Variants in NOL4 observed in about 807,000 individuals in gnomAD.
The protein encoded by NOL4 is cancer/testis antigen 125.
NOL4 carries 17 observed loss-of-function variants against 75.9 expected under a neutral mutation model. That is an observed-to-expected ratio of 0.22 (90% CI 0.15 to 0.34). NOL4 has a LOEUF of 0.34. Ranked by LOEUF, NOL4 falls within the 10% of genes least tolerant of loss-of-function variation. NOL4 has a pLI of 1.00. For missense variants in NOL4, 614 were observed against 793.5 expected, an observed-to-expected ratio of 0.77 and a Z score of 2.72; for synonymous variants, 292 against 289.9, an observed-to-expected ratio of 1.01 and a Z score of -0.07.
In NOL4 at chr18:33,943,127, C is replaced by T; in HGVS notation, c.1480G>A (p.Ala494Thr). The T allele has an allele frequency of 2.5e-6, 4 of 1,611,332 alleles. 1 individual carries two copies. Among genetic ancestry groups the T allele is most frequent in the South Asian group, 2.2e-5 (2 of 91,014 alleles). Residue 494 changes from alanine to threonine, a missense_variant, in exon 9 of 11, where the codon GCT (alanine) becomes ACT (threonine). Ala to Thr is a moderately conservative substitution (Grantham distance 58). Transcript: ENST00000261592. ...LTSAVAESIL[A>T]SACESESRNA... is the part of the protein sequence containing the mutation. ...CTACTCTCACTCTCACAAGCTGAAGCCAAGATACTCTCTGCAACTGCTGAA... is the reference window on the plus strand; with the variant it reads ...CTACTCTCACTCTCACAAGCTGAAGTCAAGATACTCTCTGCAACTGCTGAA...
chr18:34,219,690 CA>C (rs1327244718), intron 1 of NOL4, among the ~76,000 whole-genome samples: 3 of 152,252 alleles, frequency 2.0e-5, no homozygotes, highest in Admixed American at 2.0e-4. Context: ...AGTCATTCAT[CA>C]TTTCATTCTT....
intron 6 of NOL4, among the ~76,000 whole-genome samples, chr18:34,000,442 TCTAA>T (rs2073617500): frequency 6.6e-6 from 1 of 152,206 alleles, no homozygotes; most frequent in Non-Finnish European, 1.5e-5. Context: ...TTTATTTCAT[TCTAA>T]CTATCATAGA....
intron 6 of NOL4, among the ~76,000 whole-genome samples, chr18:33,972,998 A>G (rs1018520279): frequency 6.6e-6 from 1 of 152,186 alleles, no homozygotes; most frequent in African/African-American, 2.4e-5. Flanking sequence ...ACATTCATTG[A>G]CTGTTCCTTT....
chr18:33,915,358 G>A (rs937161026), intron 9 of NOL4, among the ~76,000 whole-genome samples: 1 of 152,136 alleles, frequency 6.6e-6, no homozygotes, highest in South Asian at 2.1e-4. Context: ...TAAAGGGAAA[G>A]AGAAATGTGG....
intron 4 of NOL4, among the ~76,000 whole-genome samples, chr18:34,096,203 TA>T (rs1440298416): frequency 6.6e-6 from 1 of 152,014 alleles, no homozygotes; most frequent in African/African-American, 2.4e-5. Flanking sequence ...TTTTTGTAAT[TA>T]AAAAAACCAT....
chr18:33,993,379 C>T (rs1362113841), intron 6 of NOL4, among the ~76,000 whole-genome samples: 1 of 151,982 alleles, frequency 6.6e-6, no homozygotes, highest in African/African-American at 2.4e-5. Flanking sequence ...GAAGCAACAT[C>T]AGACCCTTAA....
chr18:34,134,018 G>A (rs570733864), intron 1 of NOL4, among the ~76,000 whole-genome samples: 8 of 152,054 alleles, frequency 5.3e-5, no homozygotes, highest in East Asian at 1.9e-4. Context: ...GTGAGACTTC[G>A]CCTCAAAATA....
chr18:33,884,243 T>C (rs2064494492), intron 9 of NOL4, among the ~76,000 whole-genome samples: 1 of 152,126 alleles, frequency 6.6e-6, no homozygotes, highest in African/African-American at 2.4e-5. Flanking sequence ...CCTTCTCTGT[T>C]GTCTCTCTCT....
At chr18:34,085,739 T>G (rs2078212580) in intron 5 of NOL4, among the ~76,000 whole-genome samples, 1 of 152,192 alleles carries the variant, frequency 6.6e-6, no homozygotes, top group African/African-American at 2.4e-5. Context: ...TCCCTAGATA[T>G]GCATTTTAAA....
At chr18:34,097,865 TA>T (rs904068746) in intron 4 of NOL4, among the ~76,000 whole-genome samples, 56 of 152,214 alleles carry the variant, frequency 3.7e-4, no homozygotes, top group African/African-American at 1.3e-3. Flanking sequence ...GAAAAGTTTT[TA>T]ATAATTATCA....
chr18:33,887,710 G>T (rs1311128209), intron 9 of NOL4, among the ~76,000 whole-genome samples: 1 of 151,860 alleles, frequency 6.6e-6, no homozygotes, highest in African/African-American at 2.4e-5. Context: ...GAGAATGATG[G>T]TTTCCAGCTT....
chr18:34,222,223 AGCCACCCC>A, intron 1 of NOL4: 1 of 1,410,392 alleles, frequency 7.1e-7, no homozygotes, highest in Non-Finnish European at 9.2e-7. Context: ...ATGAGACTAG[AGCCACCCC>A]AGAAAAAGGA....
chr18:34,223,873 G>C lies in NOL4; in HGVS notation c.-620C>G, dbSNP rs1159741374. The C allele has an allele frequency of 6.6e-6, 1 of 152,402 alleles. No individual in the cohort carries two copies. The highest frequency in any genetic ancestry group is 2.4e-5 in the African/African-American group (1 of 41,446). The allele number at this position is 152,402 out of a possible 1,614,324, so 9.4% of individuals were successfully genotyped here. On this transcript the variant is annotated 5_prime_UTR_variant, in exon 1 of 11. Transcript: ENST00000261592. ...GTCCTGCTTTGACCTTCCCCACGAC[G>C]GGTGTTAAGGGACTAGAAAGAGAAA...
intron 1 of NOL4, chr18:34,183,717 A>G (rs2034229373): frequency 6.6e-6 from 1 of 151,968 alleles, no homozygotes; most frequent in South Asian, 2.1e-4. Context: ...AAGAAGCCAG[A>G]CTCAAAAGTC....
intron 1 of NOL4, chr18:34,222,044 C>A: frequency 6.5e-7 from 1 of 1,535,590 alleles, no homozygotes; most frequent in Non-Finnish European, 8.7e-7. Flanking sequence ...GAAAGGTCTC[C>A]TGCATCAGAT....
intron 5 of NOL4, among the ~76,000 whole-genome samples, chr18:34,045,884 G>C (rs553469841): frequency 1.8e-4 from 27 of 152,148 alleles, no homozygotes; most frequent in African/African-American, 5.1e-4. Context: ...CTCTTGTGCT[G>C]AATAACATTT....
intron 1 of NOL4, among the ~76,000 whole-genome samples, chr18:34,144,207 T>G (rs2081307515): frequency 6.6e-6 from 1 of 152,158 alleles, no homozygotes; most frequent in South Asian, 2.1e-4. Flanking sequence ...TAAGTTTATA[T>G]CATTCAACCT....
chr18:34,159,385 T>A (rs913471270), intron 1 of NOL4, among the ~76,000 whole-genome samples: 3 of 151,960 alleles, frequency 2.0e-5, no homozygotes, highest in African/African-American at 7.2e-5. Flanking sequence ...GGGGCCTGGA[T>A]GAGATCTGCG....
Position 33,957,453 on chromosome 18 carries a change from T to C in NOL4, c.1301A>G (p.Lys434Arg). Residue 434 changes from lysine to arginine, a missense_variant, in exon 8 of 11, where the codon AAA (lysine) becomes AGA (arginine). Coordinates refer to ENST00000261592, the MANE Select transcript of NOL4 (RefSeq NM_003787.5). ...GTCAATGATAGCCTGGATCTTTTCTTTGGGCTGCTTAGAGATTGGGACCAT... is the reference window on the plus strand; with the variant it reads ...GTCAATGATAGCCTGGATCTTTTCTCTGGGCTGCTTAGAGATTGGGACCAT... ...DRMVPISKQP[K>R]EKIQAIIDSC... The C allele has an allele frequency of 6.2e-7, 1 of 1,613,752 alleles. No homozygotes were observed. The highest frequency in any genetic ancestry group is 8.5e-7 in the Non-Finnish European group (1 of 1,179,800).
Sources: allele counts gnomAD v4.1 joint callset (sites outside exome capture counted in the v4.1 genomes callset), GRCh38; gene constraint gnomAD v4.1.1; transcripts MANE v1.5; gene names NCBI Gene and HGNC (gene_info 2026-07-23, HGNC 2026-07-21).